CLIP2: variants seen among roughly 807,000 people sequenced by gnomAD.
CLIP2 encodes the protein CAP-Gly domain containing linker protein 2.
CLIP2 carries 41 observed loss-of-function variants against 111.7 expected under a neutral mutation model. That is an observed-to-expected ratio of 0.37 (90% CI 0.29 to 0.48). The LOEUF (loss-of-function observed/expected upper bound fraction) is 0.48, where lower values mean the gene tolerates loss of function less well. Ranked by LOEUF, CLIP2 falls within the 20% of genes least tolerant of loss-of-function variation. The probability of loss-of-function intolerance (pLI) is 0.99; values close to 1 mark genes in which losing one functional copy is unlikely to be tolerated. For synonymous variants in CLIP2, 660 were observed against 644.2 expected (o/e 1.02, Z -0.37); for missense variants, 1,160 against 1,422.1 (o/e 0.82, Z 2.96).
At chr7:74,290,019 C>T (rs2116426430) in intron 1 of CLIP2, among the ~76,000 whole-genome samples, 1 of 152,336 alleles carries the variant, frequency 6.6e-6, no homozygotes, top group Middle Eastern at 3.4e-3. Flanking sequence ...AAGGCATCAC[C>T]AGCCTCATCG....
intron 1 of CLIP2, among the ~76,000 whole-genome samples, chr7:74,311,288 A>T (rs1456200439): frequency 6.6e-6 from 1 of 152,118 alleles, no homozygotes; most frequent in African/African-American, 2.4e-5. Context: ...CACTATTTTT[A>T]ACTTTTTAAG....
At chr7:74,307,825 G>A (rs1188828800) in intron 1 of CLIP2, among the ~76,000 whole-genome samples, 1 of 151,966 alleles carries the variant, frequency 6.6e-6, no homozygotes, top group Non-Finnish European at 1.5e-5. Context: ...CTGCTGGGGG[G>A]TGGTTCAGGA....
chr7:74,383,756 C>T (rs1239797501), intron 11 of CLIP2, among the ~76,000 whole-genome samples: 2 of 152,206 alleles, frequency 1.3e-5, no homozygotes, highest in South Asian at 2.1e-4. Context: ...AGGAGAATTG[C>T]TTGAAGTCAG....
Position 74,309,086 on chromosome 7 carries a change from C to T in CLIP2, c.-67-8394C>T, listed in dbSNP as rs187104012. 5.7e-3 allele frequency among the ~76,000 whole-genome samples: 873 copies of T among 152,186 alleles called. 7 individuals are homozygous for T. The highest frequency in any genetic ancestry group is 0.021 in the South Asian group (102 of 4,824). ...TTTTCGCCATGTTGCCCAGGCTGGTCTCAAACTCCTGAGCTCCAGCAATTC... is the reference window on the plus strand; with the variant it reads ...TTTTCGCCATGTTGCCCAGGCTGGTTTCAAACTCCTGAGCTCCAGCAATTC... On this transcript the variant is annotated intron_variant, in intron 1 of 16. Transcript: ENST00000223398.
chr7:74,395,274 C>G (rs1424286303), intron 13 of CLIP2, among the ~76,000 whole-genome samples: 14 of 152,190 alleles, frequency 9.2e-5, no homozygotes, highest in Middle Eastern at 3.4e-3. Context: ...ATTCTCCTGC[C>G]CCAGCCTCTC....
chr7:74,358,722 A>G (rs1156588193), intron 6 of CLIP2, among the ~76,000 whole-genome samples: 2 of 151,556 alleles, frequency 1.3e-5, no homozygotes, highest in African/African-American at 4.9e-5. Context: ...GGTGCACGCT[A>G]CCACATCCAG....
At chr7:74,337,436 A>G (rs1325676576) in intron 2 of CLIP2, among the ~76,000 whole-genome samples, 5 of 151,914 alleles carry the variant, frequency 3.3e-5, no homozygotes, top group Admixed American at 3.3e-4. Context: ...GACCACTTGC[A>G]CAACACCTAG....
chr7:74,336,475 G>A (rs1463318516), intron 2 of CLIP2, among the ~76,000 whole-genome samples: 2 of 151,944 alleles, frequency 1.3e-5, no homozygotes, highest in Non-Finnish European at 2.9e-5. Context: ...GTCTTACATG[G>A]CGGCAGACAA....
Position 74,403,839 on chromosome 7 carries a change from C to G in CLIP2, c.3132C>G (p.Asp1044Glu). 1.9e-6 allele frequency: 3 copies of G among 1,613,374 alleles called. No individual in the cohort carries two copies. The highest frequency in any genetic ancestry group is 1.7e-6 in the Non-Finnish European group (2 of 1,179,844). The stretch of plus-strand genomic sequence containing the variant: ...ATGATGCCCTTTACTCTCTCTAGGA[C>G]AAGCACTGATCCTGAGGGGATACTG... The part of the protein sequence containing the change: ...HQQDKAQKQE[D>E]KH The change falls in exon 17 of 17, where the codon GAC (aspartate) becomes GAG (glutamate). Residue 1044 changes from aspartate (D) to glutamate (E), a missense_variant and splice_region_variant. Physicochemically the swap from Asp to Glu is conservative, Grantham distance 45. This residue lies in a region of CLIP2 where 676 missense variants were observed against 777.8 expected (regional missense o/e 0.87). Coordinates refer to ENST00000223398, the MANE Select transcript of CLIP2 (RefSeq NM_003388.5).
At position 74,395,522 on chromosome 7, in the gene CLIP2, C is replaced by T. The variant is rs142002578; in HGVS notation, c.2721-1552C>T. On this transcript the variant is annotated intron_variant, in intron 13 of 16. Transcript: ENST00000223398. The stretch of plus-strand genomic sequence containing the variant: ...GGCCAGGCTGGTCTCAAACTCCTGA[C>T]CTCAGGTGATCTGTCCTCCTCAGCC... Among the ~76,000 whole-genome samples, 60 of 152,210 alleles carry T rather than the reference C, an allele frequency of 3.9e-4. No individual in the cohort carries two copies. In the East Asian group the frequency reaches 0.011, roughly 28 times the overall value.
chr7:74,388,514 T>C (rs952878602), intron 12 of CLIP2, among the ~76,000 whole-genome samples: 1 of 151,428 alleles, frequency 6.6e-6, no homozygotes, highest in African/African-American at 2.4e-5. Context: ...AAAAAAAAAT[T>C]TGGCCGGGCA....
chr7:74,389,978 A>G (rs1257831020), intron 13 of CLIP2, among the ~76,000 whole-genome samples: 2 of 149,754 alleles, frequency 1.3e-5, no homozygotes, highest in African/African-American at 2.5e-5. Flanking sequence ...AGTCCTAGCT[A>G]CTTGGGAGGC....
chr7:74,328,431 G>A (rs192045415), intron 2 of CLIP2, among the ~76,000 whole-genome samples: 1 of 152,302 alleles, frequency 6.6e-6, no homozygotes, highest in East Asian at 1.9e-4. Context: ...TTTCAGCCCA[G>A]GGGGTCCAGG....
intron 1 of CLIP2, among the ~76,000 whole-genome samples, chr7:74,298,104 GGAGGCC>G (rs1163730951): frequency 6.6e-6 from 1 of 151,834 alleles, no homozygotes; most frequent in Non-Finnish European, 1.5e-5. Flanking sequence ...CAGCGCTTTG[GGAGGCC>G]GAGGCAGGAG....
At chr7:74,343,514 C>T (rs1424352386) in intron 3 of CLIP2, among the ~76,000 whole-genome samples, 2 of 152,100 alleles carry the variant, frequency 1.3e-5, no homozygotes, top group Non-Finnish European at 2.9e-5. Flanking sequence ...TTCATTCATT[C>T]ATTCATTCTC....
At chr7:74,313,951 G>A (rs1363341980) in intron 1 of CLIP2, among the ~76,000 whole-genome samples, 2 of 152,172 alleles carry the variant, frequency 1.3e-5, no homozygotes, top group East Asian at 1.9e-4. Context: ...GGGAAGCCGA[G>A]GCGGTAGAAT....
At chr7:74,306,011 C>A (rs1351983506) in intron 1 of CLIP2, among the ~76,000 whole-genome samples, 2 of 152,036 alleles carry the variant, frequency 1.3e-5, no homozygotes, top group Non-Finnish European at 2.9e-5. Flanking sequence ...GTCCAGGAGA[C>A]CCTGCCTGTC....
At position 74,404,080 on chromosome 7, in the gene CLIP2, G is replaced by C. The variant is rs1406641866; in HGVS notation, c.*232G>C. 1 of 522,214 alleles carries C rather than the reference G, an allele frequency of 1.9e-6. No homozygotes were observed. Among genetic ancestry groups the C allele is most frequent in the Non-Finnish European group, 3.5e-6 (1 of 286,944 alleles). The allele number at this position is 522,214 out of a possible 1,614,324, so 32.3% of individuals were successfully genotyped here. ...AGTGTGAACGGTACAGCCCCGGCCT[G>C]ACCCGGGGACCTTCAGCCTGGACAC... is the stretch of plus-strand genomic sequence containing the variant. On this transcript the variant is annotated 3_prime_UTR_variant, in exon 17 of 17. Coordinates refer to ENST00000223398, the MANE Select transcript of CLIP2 (RefSeq NM_003388.5).
chr7:74,386,482 A>G, intron 11 of CLIP2, 39 bp from the exon 12 acceptor site: 2 of 1,569,894 alleles, frequency 1.3e-6, no homozygotes, highest in South Asian at 1.1e-5. Flanking sequence ...GCTTTGGTCC[A>G]GGAGCATTGA....
Sources: gnomAD v4.1 joint callset for allele counts (sites outside exome capture counted in the v4.1 genomes callset) on GRCh38, gnomAD v4.1.1 for gene constraint, gnomAD v4.1.1 regional missense constraint, MANE v1.5 for transcripts, NCBI Gene and HGNC (gene_info 2026-07-23, HGNC 2026-07-21) for gene names.